Variants in FOCAD observed in about 807,000 individuals in gnomAD.
The protein encoded by FOCAD is focadhesin.
A neutral mutation model predicts 225.6 loss-of-function variants in FOCAD; 198 were observed. The ratio of observed to expected loss-of-function variants is 0.88; its 90% confidence interval spans 0.78 to 0.99. The LOEUF is 0.99. FOCAD is among the 50% of genes least tolerant of loss of function. The pLI, the probability that FOCAD is intolerant of heterozygous loss-of-function variation, is 0.00. For missense variants in FOCAD, 2,713 were observed against 2,123.6 expected (o/e 1.28, Z -5.46); for synonymous variants, 897 against 755.0 (o/e 1.19, Z -3.08).
intron 35 of FOCAD, among the ~76,000 whole-genome samples, chr9:20,973,274 C>T (rs1010990713): frequency 3.3e-5 from 5 of 151,998 alleles, no homozygotes; most frequent in African/African-American, 1.2e-4. Context: ...CTTCTCCTTT[C>T]TGCAGCTGAT....
At chr9:20,752,741 A>G (rs1828686567) in intron 5 of FOCAD, among the ~76,000 whole-genome samples, 1 of 151,780 alleles carries the variant, frequency 6.6e-6, no homozygotes, top group African/African-American at 2.4e-5. Context: ...TGTGTAAATT[A>G]CCTTGGGCAG....
At chr9:20,798,564 G>C (rs1223597468) in intron 11 of FOCAD, among the ~76,000 whole-genome samples, 1 of 152,022 alleles carries the variant, frequency 6.6e-6, no homozygotes, top group Non-Finnish European at 1.5e-5. Context: ...CTTCTTCCTG[G>C]TTTAGTCTTG....
At chr9:20,887,127 A>G (rs767155259) in intron 21 of FOCAD, among the ~76,000 whole-genome samples, 1 of 152,124 alleles carries the variant, frequency 6.6e-6, no homozygotes, top group Non-Finnish European at 1.5e-5. Context: ...GTTGCAATCA[A>G]TTTGGGATTT....
chr9:20,781,872 G>A lies in FOCAD; in HGVS notation c.1140G>A (p.Leu380=). 1.2e-6 allele frequency: 2 copies of A among 1,614,072 alleles called. No individual in the cohort carries two copies. Among genetic ancestry groups the A allele is most frequent in the Non-Finnish European group, 1.7e-6 (2 of 1,179,988 alleles). The part of the protein sequence containing the change: ...VDEEGPSRQQ[L]ALNLLEMIQQ... Reference sequence around the variant, plus strand: ...AAGAAGGTCCCTCTAGGCAGCAGTTGGCTCTAAACCTTTTGGAAATGATAC... The same window carrying A: ...AAGAAGGTCCCTCTAGGCAGCAGTTAGCTCTAAACCTTTTGGAAATGATAC... Residue 380 remains leucine, a synonymous_variant, in exon 10 of 44, where the codon TTG becomes TTA. Transcript: ENST00000338382.
chr9:20,659,138 T>G (rs992472751), intron 2 of FOCAD, among the ~76,000 whole-genome samples: 3 of 152,128 alleles, frequency 2.0e-5, no homozygotes, highest in African/African-American at 7.2e-5. Context: ...GATAATCACT[T>G]AAACCTGGGG....
intron 28 of FOCAD, among the ~76,000 whole-genome samples, chr9:20,941,377 C>T (rs1836645278): frequency 6.6e-6 from 1 of 152,140 alleles, no homozygotes. Flanking sequence ...TTTAGAAATG[C>T]GATAACATTT....
At chr9:20,956,941 G>T (rs1229988858) in intron 35 of FOCAD, among the ~76,000 whole-genome samples, 1 of 152,078 alleles carries the variant, frequency 6.6e-6, no homozygotes, top group Non-Finnish European at 1.5e-5. Context: ...TGATCCGCCT[G>T]CCTCGGCCTC....
At chr9:20,819,348 G>A (rs369828874) in intron 11 of FOCAD, among the ~76,000 whole-genome samples, 1 of 151,980 alleles carries the variant, frequency 6.6e-6, no homozygotes, top group South Asian at 2.1e-4. Context: ...CAAGTAGCTG[G>A]GGCTACAGGT....
At chr9:20,697,648 C>T (rs1473760301) in intron 1 of FOCAD, among the ~76,000 whole-genome samples, 2 of 152,204 alleles carry the variant, frequency 1.3e-5, no homozygotes, top group Non-Finnish European at 2.9e-5. Flanking sequence ...GATGCCAAAA[C>T]GTTTAAAGAC....
chr9:20,866,801 C>G, intron 17 of FOCAD, 128 bp from the exon 18 acceptor site: 1 of 588,502 alleles, frequency 1.7e-6, no homozygotes, highest in Admixed American at 3.4e-5. Flanking sequence ...AAAGCACTGA[C>G]TGTAGAACTT....
intron 21 of FOCAD, chr9:20,885,568 A>ATT (rs1223687915): frequency 6.4e-6 from 1 of 155,510 alleles, no homozygotes; most frequent in Non-Finnish European, 1.4e-5. Context: ...ATCCTTTGCA[A>ATT]TTATGTAGGG....
chr9:20,778,323 C>T (rs1477722902), intron 8 of FOCAD, among the ~76,000 whole-genome samples: 1 of 152,134 alleles, frequency 6.6e-6, no homozygotes, highest in Middle Eastern at 3.4e-3. Flanking sequence ...TGGCTCACTG[C>T]AACCTCCACC....
At chr9:20,693,038 C>G (rs542591710) in intron 1 of FOCAD, among the ~76,000 whole-genome samples, 18 of 152,298 alleles carry the variant, frequency 1.2e-4, no homozygotes, top group African/African-American at 4.3e-4. Context: ...TGAGTTAGAT[C>G]TCTTCTCTGC....
chr9:20,759,468 T>C (rs1321685153), intron 6 of FOCAD, among the ~76,000 whole-genome samples: 3 of 152,174 alleles, frequency 2.0e-5, no homozygotes, highest in Non-Finnish European at 4.4e-5. Flanking sequence ...GGGAAAGGAT[T>C]CCCTATTTAA....
intron 10 of FOCAD, among the ~76,000 whole-genome samples, chr9:20,783,666 A>G (rs1819629234): frequency 6.6e-6 from 1 of 151,240 alleles, no homozygotes; most frequent in Admixed American, 6.6e-5. Context: ...TAAATGTGAT[A>G]TTTAAAACTA....
chr9:20,735,082 C>G (rs910469897), intron 4 of FOCAD, among the ~76,000 whole-genome samples: 1 of 152,202 alleles, frequency 6.6e-6, no homozygotes, highest in Non-Finnish European at 1.5e-5. Flanking sequence ...CCCACCTACT[C>G]TTTAACACTG....
At chr9:20,911,470 C>G (rs1564141363) in intron 22 of FOCAD, among the ~76,000 whole-genome samples, 1 of 152,082 alleles carries the variant, frequency 6.6e-6, no homozygotes, top group Non-Finnish European at 1.5e-5. Context: ...GGACCTCTTA[C>G]TCCATGAGAT....
At chr9:20,730,069 C>CT (rs1400753870) in intron 4 of FOCAD, among the ~76,000 whole-genome samples, 1 of 152,176 alleles carries the variant, frequency 6.6e-6, no homozygotes, top group East Asian at 1.9e-4. Context: ...CTGCCTTGTG[C>CT]TTTAGAGCTT....
intron 2 of FOCAD, among the ~76,000 whole-genome samples, chr9:20,717,254 G>A (rs1468007525): frequency 6.6e-6 from 1 of 152,206 alleles, no homozygotes; most frequent in Non-Finnish European, 1.5e-5. Context: ...AGGACTGACA[G>A]TTATTCACAG....
Sources: gnomAD v4.1 joint callset for allele counts (sites outside exome capture counted in the v4.1 genomes callset) on GRCh38, gnomAD v4.1.1 for gene constraint, MANE v1.5 for transcripts, NCBI Gene and HGNC (gene_info 2026-07-23, HGNC 2026-07-21) for gene names.